Variants in KLHL32 observed in about 807,000 individuals in gnomAD.
The protein encoded by KLHL32 is kelch like family member 32, also known as kelch-like protein 32.
KLHL32 carries 35 observed loss-of-function variants against 64.8 expected under a neutral mutation model. The ratio of observed to expected loss-of-function variants is 0.54; its 90% confidence interval spans 0.41 to 0.72. The LOEUF (loss-of-function observed/expected upper bound fraction) is 0.72. KLHL32 is among the 30% of genes least tolerant of loss of function. The probability of loss-of-function intolerance (pLI) is 0.00; values close to 1 mark genes in which losing one functional copy is unlikely to be tolerated. For missense variants in KLHL32, 589 were observed against 768.5 expected (o/e 0.77, Z 2.76); for synonymous variants, 259 against 281.0 (o/e 0.92, Z 0.78).
chr6:97,097,616 A>G (rs968000093), intron 6 of KLHL32, among the ~76,000 whole-genome samples: 5 of 147,552 alleles, frequency 3.4e-5, no homozygotes, highest in African/African-American at 1.0e-4. Flanking sequence ...GGTGACCTTC[A>G]CAGCAGCTTT....
At chr6:96,937,588 T>A (rs1201391243) in intron 1 of KLHL32, among the ~76,000 whole-genome samples, 1 of 152,192 alleles carries the variant, frequency 6.6e-6, no homozygotes, top group Non-Finnish European at 1.5e-5. Context: ...TCACACGTTT[T>A]CTATTAATGA....
the KLHL32 span, among the ~76,000 whole-genome samples, chr6:96,900,411 CAT>C: frequency 6.6e-6 from 1 of 152,072 alleles, no homozygotes; most frequent in Non-Finnish European, 1.5e-5. Flanking sequence ...CGGTAAGACT[CAT>C]GTTCTTCAAT....
rs771934411 is a variant in KLHL32, at chr6:97,085,152, T to C, written c.438T>C (p.Asp146=). The change falls in exon 6 of 11, where the codon GAT becomes GAC. Residue 146 remains aspartate, a synonymous_variant. Transcript: ENST00000369261. ...AATTAAATAGCTTTAATTACTTGGA[T>C]CTGTACAGACTTGCTGACCTCTTTA... is the stretch of plus-strand genomic sequence containing the variant. ...IQELNSFNYL[D]LYRLADLFNL... 30 of 1,613,674 alleles carry C rather than the reference T, an allele frequency of 1.9e-5. No individual in the cohort carries two copies. The highest frequency in any genetic ancestry group is 2.5e-5 in the Non-Finnish European group (30 of 1,179,976).
At chr6:97,070,522 A>G (rs571159964) in intron 5 of KLHL32, among the ~76,000 whole-genome samples, 1 of 152,162 alleles carries the variant, frequency 6.6e-6, no homozygotes, top group Non-Finnish European at 1.5e-5. Flanking sequence ...TCAGGAAGCG[A>G]CAGCCCAGAG....
At chr6:97,054,141 T>C (rs1325408408) in intron 4 of KLHL32, among the ~76,000 whole-genome samples, 1 of 152,194 alleles carries the variant, frequency 6.6e-6, no homozygotes, top group African/African-American at 2.4e-5. Context: ...TTGTAATTAA[T>C]ATCAGGATAA....
intron 3 of KLHL32, among the ~76,000 whole-genome samples, chr6:96,991,885 G>C (rs1314773339): frequency 6.6e-6 from 1 of 152,136 alleles, no homozygotes; most frequent in Non-Finnish European, 1.5e-5. Flanking sequence ...TTGAAAACAG[G>C]CCGCTTTTCC....
intron 1 of KLHL32, among the ~76,000 whole-genome samples, chr6:96,926,356 G>C (rs1769161986): frequency 1.3e-5 from 2 of 152,326 alleles, no homozygotes; most frequent in East Asian, 3.9e-4. Flanking sequence ...GGTAGATAGA[G>C]GGGATTTATG....
intron 4 of KLHL32, among the ~76,000 whole-genome samples, 156 bp from the exon 5 acceptor site, chr6:97,064,472 G>T (rs1789395595): frequency 1.3e-5 from 2 of 152,160 alleles, no homozygotes; most frequent in Non-Finnish European, 2.9e-5. Context: ...ATCAGAACAG[G>T]AAGAGAAGAA....
chr6:96,987,089 T>C (rs2128058193), intron 3 of KLHL32, among the ~76,000 whole-genome samples: 1 of 152,300 alleles, frequency 6.6e-6, no homozygotes, highest in Non-Finnish European at 1.5e-5. Flanking sequence ...ATCTATTTCA[T>C]TCTTCTCTCT....
intron 3 of KLHL32, among the ~76,000 whole-genome samples, chr6:97,005,592 T>C (rs1163670941): frequency 2.6e-5 from 4 of 152,150 alleles, no homozygotes; most frequent in Admixed American, 6.5e-5. Context: ...TTTGAGATAT[T>C]TCTAACTTTT....
the KLHL32 span, among the ~76,000 whole-genome samples, chr6:96,918,869 TAATAA>T: frequency 6.6e-6 from 1 of 152,172 alleles, no homozygotes; most frequent in Non-Finnish European, 1.5e-5. Context: ...TAAAAGGAAG[TAATAA>T]AATTCCTCAA....
intron 1 of KLHL32, among the ~76,000 whole-genome samples, chr6:96,960,740 A>G (rs953965915): frequency 2.0e-5 from 3 of 152,220 alleles, no homozygotes; most frequent in Non-Finnish European, 4.4e-5. Flanking sequence ...TTAGGGAGAC[A>G]TAAGGCATCA....
intron 4 of KLHL32, among the ~76,000 whole-genome samples, chr6:97,058,411 T>G (rs2128144963): frequency 1.3e-5 from 2 of 152,348 alleles, no homozygotes; most frequent in Admixed American, 1.3e-4. Context: ...TTTCTTTGAT[T>G]TCTCTCATCA....
intron 1 of KLHL32, among the ~76,000 whole-genome samples, chr6:96,953,679 G>A (rs757245899): frequency 1.5e-4 from 23 of 151,002 alleles, no homozygotes; most frequent in Middle Eastern, 3.5e-3. Context: ...CTAAAATCAC[G>A]CCATCATACA....
At chr6:97,086,072 A>G (rs1368047933) in intron 6 of KLHL32, among the ~76,000 whole-genome samples, 1 of 152,112 alleles carries the variant, frequency 6.6e-6, no homozygotes, top group African/African-American at 2.4e-5. Context: ...CCTCCATATT[A>G]CAGCCTGTCT....
At chr6:96,949,989 T>C (rs1036472795) in intron 1 of KLHL32, among the ~76,000 whole-genome samples, 1 of 152,140 alleles carries the variant, frequency 6.6e-6, no homozygotes, top group Non-Finnish European at 1.5e-5. Context: ...TGCTGTTCAG[T>C]TACTCTGTAA....
At chr6:97,045,469 G>A (rs951480124) in intron 4 of KLHL32, among the ~76,000 whole-genome samples, 1 of 147,344 alleles carries the variant, frequency 6.8e-6, no homozygotes, top group African/African-American at 2.6e-5. Context: ...GTGTGCCATG[G>A]GATGAAATAG....
At chr6:96,976,493 T>C (rs188589926) in intron 3 of KLHL32, among the ~76,000 whole-genome samples, 12 of 152,332 alleles carry the variant, frequency 7.9e-5, no homozygotes, top group African/African-American at 2.4e-4. Flanking sequence ...GAGAGGATGC[T>C]TCTGGATTCA....
At chr6:96,934,785 T>C (rs898820049) in intron 1 of KLHL32, among the ~76,000 whole-genome samples, 6 of 152,230 alleles carry the variant, frequency 3.9e-5, no homozygotes, top group African/African-American at 1.4e-4. Flanking sequence ...AGAGCATTGA[T>C]AGTGATTACA....
Sources: allele counts gnomAD v4.1 joint callset (sites outside exome capture counted in the v4.1 genomes callset), GRCh38; gene constraint gnomAD v4.1.1; transcripts MANE v1.5; gene names NCBI Gene and HGNC (gene_info 2026-07-23, HGNC 2026-07-21).